MYO16: variants seen among roughly 807,000 people sequenced by gnomAD.
MYO16 encodes the protein myosin XVI.
A neutral mutation model predicts 205.3 loss-of-function variants in MYO16; 94 were observed. The ratio of observed to expected loss-of-function variants is 0.46; its 90% CI spans 0.39 to 0.54. The LOEUF is 0.54. Ranked by LOEUF, MYO16 falls within the 20% of genes least tolerant of loss-of-function variation. The pLI is 0.00. For synonymous variants in MYO16, 988 were observed against 954.0 expected (o/e 1.04, Z -0.66); for missense variants, 2,315 against 2,387.5 (o/e 0.97, Z 0.63).
intron 1 of MYO16, among the ~76,000 whole-genome samples, chr13:108,621,246 G>A (rs554479581): frequency 8.6e-4 from 131 of 152,198 alleles, no homozygotes; most frequent in Non-Finnish European, 1.5e-3. Context: ...CCACAGGGTA[G>A]GGTCTAGGTC....
At chr13:108,500,124 C>T in the MYO16 span, among the ~76,000 whole-genome samples, 1,152 of 151,830 alleles carry the variant, frequency 7.6e-3, 9 homozygotes, top group Non-Finnish European at 0.013. Context: ...TTCCATACCA[C>T]ACCTGACTCC....
At chr13:109,132,691 A>T (rs576306367) in intron 31 of MYO16, among the ~76,000 whole-genome samples, 188 of 152,326 alleles carry the variant, frequency 1.2e-3, no homozygotes, top group Non-Finnish European at 2.1e-3. Context: ...CTTTAAAAAA[A>T]TTTTAAATGG....
intron 7 of MYO16, among the ~76,000 whole-genome samples, chr13:108,809,088 T>A (rs944938162): frequency 1.3e-5 from 2 of 152,234 alleles, no homozygotes; most frequent in Non-Finnish European, 2.9e-5. Flanking sequence ...ACAACTATGC[T>A]GCAGAAGCCA....
At chr13:108,816,178 A>T (rs750900516) in intron 7 of MYO16, among the ~76,000 whole-genome samples, 8 of 152,198 alleles carry the variant, frequency 5.3e-5, no homozygotes, top group Non-Finnish European at 1.2e-4. Context: ...TAAAGCTTTC[A>T]GAAGAAACTA....
At chr13:108,508,639 G>A in the MYO16 span, among the ~76,000 whole-genome samples, 2 of 152,154 alleles carry the variant, frequency 1.3e-5, no homozygotes, top group Admixed American at 6.6e-5. Flanking sequence ...TTTCCCTCCT[G>A]AGAGAGAAGC....
At chr13:108,763,976 G>T (rs912766244) in intron 4 of MYO16, among the ~76,000 whole-genome samples, 2 of 152,200 alleles carry the variant, frequency 1.3e-5, no homozygotes, top group African/African-American at 4.8e-5. Context: ...CGATAAACTC[G>T]ATTCAAAAGG....
intron 7 of MYO16, among the ~76,000 whole-genome samples, chr13:108,809,382 G>A (rs925226861): frequency 6.6e-6 from 1 of 152,130 alleles, no homozygotes; most frequent in Admixed American, 6.5e-5. Flanking sequence ...CTGAGACTGG[G>A]TAATTTATAA....
the MYO16 span, among the ~76,000 whole-genome samples, chr13:108,537,458 A>G: frequency 2.0e-5 from 3 of 152,166 alleles, no homozygotes; most frequent in South Asian, 4.1e-4. Flanking sequence ...GCTGTGATAA[A>G]CATATGACTA....
intron 28 of MYO16, chr13:109,101,720 A>G (rs921370740): frequency 1.3e-5 from 2 of 152,200 alleles, no homozygotes; most frequent in Non-Finnish European, 2.9e-5. Context: ...CTGTAAAACC[A>G]CCAAAAGTGC....
the MYO16 span, among the ~76,000 whole-genome samples, chr13:108,581,979 C>A: frequency 6.6e-6 from 1 of 151,384 alleles, no homozygotes; most frequent in African/African-American, 2.4e-5. Flanking sequence ...TTACAGCATT[C>A]CCAGTGTGTT....
chr13:108,855,326 T>C, intron 10 of MYO16, 117 bp from the exon 11 acceptor site: 1 of 503,964 alleles, frequency 2.0e-6, no homozygotes, highest in African/African-American at 1.9e-5. Context: ...TTAATAACAG[T>C]TCCTAACTCA....
At chr13:108,543,645 A>G in the MYO16 span, among the ~76,000 whole-genome samples, 2 of 67,216 alleles carry the variant, frequency 3.0e-5, no homozygotes, top group Admixed American at 1.4e-4. Flanking sequence ...CCCTCTCAAG[A>G]AAAAAAAAAA....
the MYO16 span, among the ~76,000 whole-genome samples, chr13:108,562,042 C>T: frequency 6.6e-6 from 1 of 152,150 alleles, no homozygotes; most frequent in Non-Finnish European, 1.5e-5. Flanking sequence ...TTATCTTGGG[C>T]TGCTCAACAA....
At chr13:109,149,864 C>G (rs533092744) in intron 32 of MYO16, among the ~76,000 whole-genome samples, 6 of 152,166 alleles carry the variant, frequency 3.9e-5, no homozygotes, top group South Asian at 2.1e-4. Flanking sequence ...CCTCACTTTC[C>G]GTTTCTCTTT....
At chr13:108,637,912 G>A (rs982449818) in intron 1 of MYO16, among the ~76,000 whole-genome samples, 2 of 151,916 alleles carry the variant, frequency 1.3e-5, no homozygotes, top group Admixed American at 6.6e-5. Context: ...ATACAAAGAC[G>A]AACAAGCAAG....
intron 2 of MYO16, among the ~76,000 whole-genome samples, chr13:108,706,651 A>G (rs970179752): frequency 2.0e-5 from 3 of 152,136 alleles, no homozygotes; most frequent in African/African-American, 4.8e-5. Flanking sequence ...GGATAGTGCT[A>G]ACTATTAGTA....
chr13:108,945,455 G>T (rs1191738147), intron 16 of MYO16, among the ~76,000 whole-genome samples: 1 of 152,098 alleles, frequency 6.6e-6, no homozygotes, highest in African/African-American at 2.4e-5. Context: ...TCACAACAAT[G>T]GTTCTGAAAC....
chr13:109,059,664 T>C lies in MYO16; in HGVS notation c.3335+4069T>C, dbSNP rs1887524032. ...CTTGTAGATTCTGGATGTTAGACCT[T>C]TGTGAGACGGATGGATTGCAAAAAT... On this transcript the variant is annotated intron_variant, in intron 27 of 34. Coordinates refer to ENST00000457511, the MANE Select transcript of MYO16 (RefSeq NM_001198950.3). Among the ~76,000 whole-genome samples, 3 of 152,158 alleles carry C rather than the reference T, an allele frequency of 2.0e-5. No homozygotes were observed. In the South Asian group the frequency reaches 6.2e-4, roughly 32 times the overall value.
At chr13:109,154,405 C>T (rs1340810906) in intron 32 of MYO16, among the ~76,000 whole-genome samples, 1 of 152,140 alleles carries the variant, frequency 6.6e-6, no homozygotes, top group Non-Finnish European at 1.5e-5. Context: ...ATGCTCGTTC[C>T]GATGGGCCCT....
Sources: gnomAD v4.1 joint callset for allele counts (sites outside exome capture counted in the v4.1 genomes callset) on GRCh38, gnomAD v4.1.1 for gene constraint, MANE v1.5 for transcripts, NCBI Gene and HGNC (gene_info 2026-07-23, HGNC 2026-07-21) for gene names.